The following NPR3 variants were observed in gnomAD, a reference collection of about 807,000 sequenced individuals.
NPR3 encodes atrial natriuretic peptide receptor 3.
In NPR3, 34 loss-of-function variants were observed where a neutral mutation model predicts 54.5. That is an observed-to-expected ratio of 0.62 (90% CI 0.47 to 0.83). NPR3 has a LOEUF of 0.83. Ranked by LOEUF, NPR3 falls within the 40% of genes least tolerant of loss-of-function variation. NPR3 has a pLI of 0.00. For synonymous variants in NPR3, 289 were observed against 297.1 expected (o/e 0.97, Z 0.28); for missense variants, 674 against 720.8 (o/e 0.94, Z 0.74).
At chr5:32,706,199 T>A (rs1737979972), upstream of NPR3, among the ~76,000 whole-genome samples, 1 of 152,216 alleles carries the variant, frequency 6.6e-6, no homozygotes, top group South Asian at 2.1e-4. Context: ...CCCCTTCGCC[T>A]TCTGCCATTC....
chr5:32,789,714 G>T lies in NPR3; in HGVS notation c.*3369G>T. ...TTTCCTTTTAGTTATGGCTGATTTT[G>T]GGTGTGTGTGTGTAAGACATGCAGT... On this transcript the variant is annotated 3_prime_UTR_variant, in exon 8 of 8. Coordinates refer to ENST00000265074, the MANE Select transcript of NPR3 (RefSeq NM_001204375.2). 3.7e-6 allele frequency: 2 copies of T among 534,686 alleles called. No individual in the cohort carries two copies. Among genetic ancestry groups the T allele is most frequent in the Non-Finnish European group, 7.7e-6 (2 of 260,082 alleles). The allele number at this position is 534,686 out of a possible 1,614,324, so 33.1% of individuals were successfully genotyped here.
At chr5:32,780,455 CT>C (rs1301748951) in intron 4 of NPR3, among the ~76,000 whole-genome samples, 2 of 150,722 alleles carry the variant, frequency 1.3e-5, no homozygotes, top group Non-Finnish European at 2.9e-5. Context: ...TAGCCTTAAT[CT>C]TTTTTCAAAC....
intron 4 of NPR3, 70 bp downstream of exon 4, chr5:32,774,913 TCA>T: frequency 7.8e-7 from 1 of 1,278,588 alleles, no homozygotes. Flanking sequence ...TCTGTATTTC[TCA>T]GTTGCAGCTG....
intron 1 of NPR3, among the ~76,000 whole-genome samples, chr5:32,697,071 G>A (rs1740549819): frequency 6.6e-6 from 1 of 152,088 alleles, no homozygotes; most frequent in Non-Finnish European, 1.5e-5. Flanking sequence ...TAGAGGAAAG[G>A]CTTTCAGGTT....
chr5:32,736,347 A>C (rs1345277852), intron 2 of NPR3, among the ~76,000 whole-genome samples: 1 of 152,142 alleles, frequency 6.6e-6, no homozygotes, highest in African/African-American at 2.4e-5. Flanking sequence ...AATTAAAAAA[A>C]GTTTTTGTCC....
chr5:32,729,247 T>A (rs894593574), intron 2 of NPR3, among the ~76,000 whole-genome samples: 5 of 151,984 alleles, frequency 3.3e-5, no homozygotes, highest in African/African-American at 1.2e-4. Flanking sequence ...GCCCGGATGG[T>A]CTCGATCTCC....
intron 6 of NPR3, 73 bp from the exon 7 acceptor site, chr5:32,784,723 C>A (rs1742516960): frequency 2.5e-6 from 3 of 1,184,108 alleles, no homozygotes; most frequent in East Asian, 2.4e-5. Flanking sequence ...GAACTTCTTG[C>A]AATGAATGAA....
chr5:32,735,069 G>A (rs1242009493), intron 2 of NPR3, among the ~76,000 whole-genome samples: 2 of 152,096 alleles, frequency 1.3e-5, no homozygotes. Context: ...GCAGCCCCTG[G>A]TTTCTAATTT....
Position 32,712,517 on chromosome 5 carries a change from C to A in NPR3, c.741C>A (p.Ile247=), listed in dbSNP as rs753725976. The part of the protein sequence containing the change: ...DETKDLDLED[I]VRNIQASERV... ...CCAAAGACTTGGATCTGGAAGACATCGTGCGCAATATCCAGGCCAGTGAGA... is the reference window on the plus strand; with the variant it reads ...CCAAAGACTTGGATCTGGAAGACATAGTGCGCAATATCCAGGCCAGTGAGA... Residue 247 remains isoleucine, a synonymous_variant, in exon 1 of 8, where the codon ATC becomes ATA. Coordinates refer to ENST00000265074, the MANE Select transcript of NPR3 (RefSeq NM_001204375.2). 26 of 1,538,908 alleles carry A rather than the reference C, an allele frequency of 1.7e-5. No homozygotes were observed. Among genetic ancestry groups the A allele is most frequent in the Non-Finnish European group, 1.9e-5 (22 of 1,144,830 alleles).
chr5:32,778,337 G>A (rs1020715229), intron 4 of NPR3, among the ~76,000 whole-genome samples: 10 of 152,182 alleles, frequency 6.6e-5, no homozygotes, highest in Admixed American at 1.3e-4. Flanking sequence ...GTCCATTTGA[G>A]GGTAGGCCTA....
intron 3 of NPR3, among the ~76,000 whole-genome samples, chr5:32,771,277 T>G (rs1274415371): frequency 6.6e-6 from 1 of 151,968 alleles, no homozygotes; most frequent in Non-Finnish European, 1.5e-5. Flanking sequence ...CTCAGCAGGG[T>G]CAGCAGCTCT....
intron 1 of NPR3, chr5:32,716,531 G>A (rs1057263421): frequency 1.9e-5 from 8 of 428,970 alleles, no homozygotes; most frequent in Non-Finnish European, 3.7e-5. Context: ...TGAGGCAGGA[G>A]GATTGCTTGA....
chr5:32,733,807 T>C (rs114417449), intron 2 of NPR3, among the ~76,000 whole-genome samples: 1 of 152,294 alleles, frequency 6.6e-6, no homozygotes, highest in East Asian at 1.9e-4. Flanking sequence ...CTCTTCTACA[T>C]TTGTTTTTAA....
At chr5:32,764,341 C>A (rs1741329818) in intron 3 of NPR3, among the ~76,000 whole-genome samples, 1 of 152,082 alleles carries the variant, frequency 6.6e-6, no homozygotes. Flanking sequence ...TGAGTGCCAG[C>A]TGCCCCCTGC....
At chr5:32,747,881 G>A (rs2111973522) in intron 3 of NPR3, among the ~76,000 whole-genome samples, 1 of 151,564 alleles carries the variant, frequency 6.6e-6, no homozygotes, top group Middle Eastern at 3.4e-3. Context: ...TCAACCTCCT[G>A]TGTAGCTAGG....
chr5:32,703,484 TG>T (rs1040255868), intron 1 of NPR3, among the ~76,000 whole-genome samples: 4 of 152,134 alleles, frequency 2.6e-5, no homozygotes, highest in Non-Finnish European at 5.9e-5. Context: ...AGCATAGCCC[TG>T]GGTTTCACCA....
rs946386256 is a variant in NPR3 at position 32,787,343 on chromosome 5, C to G, written c.*998C>G. On this transcript the variant is annotated 3_prime_UTR_variant, in exon 8 of 8. Coordinates refer to ENST00000265074, the MANE Select transcript of NPR3 (RefSeq NM_001204375.2). ...ACTCTTTTGCGTTTTTACTGTTTAACTGTTTTAAATGCAAGTTATTTTAGG... is the reference window on the plus strand; with the variant it reads ...ACTCTTTTGCGTTTTTACTGTTTAAGTGTTTTAAATGCAAGTTATTTTAGG... 6.6e-6 allele frequency: 1 copy of G among 152,154 alleles called. No homozygotes were observed. The highest frequency in any genetic ancestry group is 2.4e-5 in the African/African-American group (1 of 41,420). 9.4% of individuals were successfully genotyped at this position (152,154 alleles called of 1,614,324 possible). A position where few individuals can be genotyped will look rare whatever the true frequency, so the allele number is the denominator to read the frequency against.
At chr5:32,705,435 G>A (rs1737961751), upstream of NPR3, among the ~76,000 whole-genome samples, 1 of 152,212 alleles carries the variant, frequency 6.6e-6, no homozygotes, top group African/African-American at 2.4e-5. Flanking sequence ...TCTACAGGCT[G>A]TACAGGAAGC....
rs924352665 is a variant in NPR3 at position 32,747,662 on chromosome 5, T to A, written c.1059+8632T>A. Among the ~76,000 whole-genome samples the A allele has an allele frequency of 3.3e-5, 5 of 152,244 alleles. No individual in the cohort carries two copies. In the East Asian group the frequency reaches 7.7e-4, roughly 24 times the overall value. On this transcript the variant is annotated intron_variant, in intron 3 of 7. Transcript: ENST00000265074. ...TTATTTCTCCAATACCACCTGGAAA[T>A]GTCCTTCAGTTCTCTCTTATATCTC... is the stretch of plus-strand genomic sequence containing the variant.
Sources: allele counts gnomAD v4.1 joint callset (sites outside exome capture counted in the v4.1 genomes callset), GRCh38; gene constraint gnomAD v4.1.1; transcripts MANE v1.5; gene names NCBI Gene and HGNC (gene_info 2026-07-23, HGNC 2026-07-21).